Variants in AGMO observed in about 807,000 individuals in gnomAD.
AGMO encodes alkylglycerol monooxygenase.
A neutral mutation model predicts 60.2 loss-of-function variants in AGMO; 75 were observed. The observed-to-expected ratio is 1.25, with a 90% confidence interval of 1.03 to 1.51. The LOEUF (loss-of-function observed/expected upper bound fraction) is 1.51, where lower values mean the gene tolerates loss of function less well. Ranked by LOEUF, AGMO falls within the 40% of genes most tolerant of loss-of-function variation. The probability of loss-of-function intolerance (pLI) is 0.00; values close to 1 mark genes in which losing one functional copy is unlikely to be tolerated. For missense variants in AGMO, 763 were observed against 525.5 expected (o/e 1.45, Z -4.42); for synonymous variants, 261 against 177.1 (o/e 1.47, Z -3.76).
intron 12 of AGMO, among the ~76,000 whole-genome samples, chr7:15,234,105 C>T (rs1782344299): frequency 6.6e-6 from 1 of 152,112 alleles, no homozygotes; most frequent in Admixed American, 6.6e-5. Context: ...AATAAATCTT[C>T]ACCTGAAACT....
chr7:15,393,458 G>A (rs760565420), intron 6 of AGMO, among the ~76,000 whole-genome samples: 3 of 152,074 alleles, frequency 2.0e-5, no homozygotes, highest in African/African-American at 2.4e-5. Context: ...TATAATATAA[G>A]ATTTATCTAT....
intron 12 of AGMO, among the ~76,000 whole-genome samples, chr7:15,352,833 A>G (rs568141110): frequency 1.2e-4 from 19 of 152,154 alleles, no homozygotes; most frequent in African/African-American, 4.6e-4. Context: ...TATTAAAGAC[A>G]ATGCAAAAAC....
At chr7:15,256,789 GT>G (rs1783112807) in intron 12 of AGMO, among the ~76,000 whole-genome samples, 1 of 152,206 alleles carries the variant, frequency 6.6e-6, no homozygotes, top group Non-Finnish European at 1.5e-5. Context: ...ATAGCCAGGT[GT>G]GTAGTAGGCT....
intron 3 of AGMO, among the ~76,000 whole-genome samples, chr7:15,438,394 T>A (rs774347640): frequency 1.1e-4 from 17 of 152,292 alleles, no homozygotes; most frequent in Non-Finnish European, 2.2e-4. Flanking sequence ...ATTTATATAG[T>A]TTCCATTTTA....
At chr7:15,383,331 G>A (rs79127965) in intron 10 of AGMO, among the ~76,000 whole-genome samples, 3,151 of 151,992 alleles carry the variant, frequency 0.021, 122 homozygotes, top group African/African-American at 0.073. Flanking sequence ...TCTTGGGTCC[G>A]CACTGTCTAA....
rs550946345 is a variant in AGMO, at chr7:15,229,270, G to C, written c.1264-27911C>G. ...AATTTTATCATGTCTATAACCAGAG[G>C]GAGTATATACGAACATGGCACATGT... On this transcript the variant is annotated intron_variant, in intron 12 of 12. Transcript: ENST00000342526. Among the ~76,000 whole-genome samples, 10 of 151,924 alleles carry C rather than the reference G, an allele frequency of 6.6e-5. No individual in the cohort carries two copies. The East Asian group carries it at 1.7e-3, about 26-fold the overall frequency.
Position 15,263,786 on chromosome 7 carries a change from T to C in AGMO, c.1264-62427A>G, listed in dbSNP as rs570180635. Among the ~76,000 whole-genome samples the C allele has an allele frequency of 6.6e-5, 10 of 152,254 alleles. No individual in the cohort carries two copies. The South Asian group carries it at 1.9e-3, about 28-fold the overall frequency. On this transcript the variant is annotated intron_variant, in intron 12 of 12. Transcript: ENST00000342526. The stretch of plus-strand genomic sequence containing the variant: ...CAGGAACCTGGATGGAATTGGAGAC[T>C]ATTATTCTCAGTGAAGTAACTCAGG...
chr7:15,317,133 C>T lies in AGMO; in HGVS notation c.1263+48381G>A, dbSNP rs138679107. On this transcript the variant is annotated intron_variant, in intron 12 of 12. Coordinates refer to ENST00000342526, the MANE Select transcript of AGMO (RefSeq NM_001004320.2). ...GTGATTCCCATTTTCAAAGTGGTAACGTTGACTTTCAACTTCGTAAATTCT... is the reference window on the plus strand; with the variant it reads ...GTGATTCCCATTTTCAAAGTGGTAATGTTGACTTTCAACTTCGTAAATTCT... Among the ~76,000 whole-genome samples the T allele has an allele frequency of 6.8e-3, 1,037 of 152,218 alleles. 7 individuals are homozygous for T. Among genetic ancestry groups the T allele is most frequent in the African/African-American group, 0.021 (867 of 41,560 alleles).
In AGMO at chr7:15,529,664, ATTCTATATATATTC is replaced by A. The variant is rs1784241944; in HGVS notation, c.409+15094_409+15107del. ...TATATATACTATATATTCTATATAT[ATTCTATATATATTC>A]TATATATAGAATATATATTCCATAT... On this transcript the variant is annotated intron_variant, in intron 3 of 12. Coordinates refer to ENST00000342526, the MANE Select transcript of AGMO (RefSeq NM_001004320.2). Among the ~76,000 whole-genome samples, 2 of 101,198 alleles carry A rather than the reference ATTCTATATATATTC, an allele frequency of 2.0e-5. 1 individual carries two copies. Among genetic ancestry groups the A allele is most frequent in the Non-Finnish European group, 3.7e-5 (2 of 53,652 alleles). The allele number at this position is 101,198 out of a possible 152,430, so 66.4% of individuals were successfully genotyped here. A position where few individuals can be genotyped will look rare whatever the true frequency, so the allele number is the denominator to read the frequency against.
At chr7:15,536,182 A>G (rs1292359506) in intron 3 of AGMO, among the ~76,000 whole-genome samples, 1 of 151,872 alleles carries the variant, frequency 6.6e-6, no homozygotes, top group East Asian at 1.9e-4. Context: ...GATGTATACT[A>G]TTACCATTAT....
chr7:15,128,539 A>C, the AGMO span, among the ~76,000 whole-genome samples: 1 of 152,048 alleles, frequency 6.6e-6, no homozygotes, highest in Non-Finnish European at 1.5e-5. Context: ...TTAGCTCTCT[A>C]ATTGAAGACA....
chr7:15,229,709 TATATTATATTATATATAA>T (rs1782197881), intron 12 of AGMO, among the ~76,000 whole-genome samples: 1 of 126,374 alleles, frequency 7.9e-6, no homozygotes, highest in South Asian at 2.4e-4. Context: ...TATTTATATA[TATATTATATTATATATAA>T]ATTATATATT....
downstream of AGMO, among the ~76,000 whole-genome samples, chr7:15,200,065 A>G (rs756206884): frequency 2.2e-4 from 33 of 152,196 alleles, no homozygotes; most frequent in Admixed American, 1.3e-4. Flanking sequence ...ACATAGGCAA[A>G]GCTCAATGAA....
At chr7:15,350,483 T>C (rs908180945) in intron 12 of AGMO, among the ~76,000 whole-genome samples, 5 of 152,154 alleles carry the variant, frequency 3.3e-5, no homozygotes, top group African/African-American at 1.2e-4. Context: ...AGTAATTCTC[T>C]GGTAGCTAGC....
intron 3 of AGMO, among the ~76,000 whole-genome samples, chr7:15,512,678 A>G (rs894492628): frequency 2.0e-5 from 3 of 152,324 alleles, no homozygotes; most frequent in Admixed American, 2.0e-4. Flanking sequence ...GCTATTTACT[A>G]TATGGATTGG....
intron 12 of AGMO, among the ~76,000 whole-genome samples, chr7:15,252,483 G>A (rs752916139): frequency 6.6e-6 from 1 of 152,152 alleles, no homozygotes; most frequent in Admixed American, 6.5e-5. Context: ...GAGGAAAGTG[G>A]CTATTTAGAA....
At chr7:15,396,388 G>C (rs905698050) in intron 5 of AGMO, 4 of 152,214 alleles carry the variant, frequency 2.6e-5, no homozygotes, top group African/African-American at 9.7e-5. Context: ...GTTCGTAAAA[G>C]TGACTCGTCC....
intron 12 of AGMO, among the ~76,000 whole-genome samples, chr7:15,217,735 C>A (rs1046254585): frequency 2.1e-5 from 3 of 142,466 alleles, no homozygotes; most frequent in Non-Finnish European, 4.6e-5. Context: ...ATGAAAAATA[C>A]AGTGTGTCTA....
At chr7:15,389,576 C>A (rs1784056788) in intron 8 of AGMO, among the ~76,000 whole-genome samples, 1 of 152,116 alleles carries the variant, frequency 6.6e-6, no homozygotes, top group African/African-American at 2.4e-5. Flanking sequence ...AAATGCCTTT[C>A]ACTGAACAAC....
Sources: gnomAD v4.1 joint callset for allele counts (sites outside exome capture counted in the v4.1 genomes callset) on GRCh38, gnomAD v4.1.1 for gene constraint, MANE v1.5 for transcripts, NCBI Gene and HGNC (gene_info 2026-07-23, HGNC 2026-07-21) for gene names.